NTM: variants seen among roughly 807,000 people sequenced by gnomAD.
NTM encodes the protein neurotrimin.
Under a neutral mutation model 42.1 loss-of-function variants are expected in NTM, and 13 were observed. The observed-to-expected ratio is 0.31, with a 90% CI of 0.20 to 0.49. The LOEUF is 0.49. Ranked by LOEUF, NTM falls within the 20% of genes least tolerant of loss-of-function variation. NTM has a pLI of 0.99. For missense variants in NTM, 373 were observed against 452.8 expected (o/e 0.82, Z 1.60); for synonymous variants, 187 against 179.2 (o/e 1.04, Z -0.35).
intron 1 of NTM, among the ~76,000 whole-genome samples, chr11:131,597,135 C>G (rs2059880799): frequency 6.6e-6 from 1 of 152,132 alleles, no homozygotes; most frequent in South Asian, 2.1e-4. Context: ...GCAACGCCCT[C>G]ACACACACAC....
intron 1 of NTM, among the ~76,000 whole-genome samples, chr11:131,899,156 T>A (rs1324724041): frequency 7.1e-6 from 1 of 140,734 alleles, no homozygotes; most frequent in Non-Finnish European, 1.5e-5. Context: ...GTGTCCAAGG[T>A]AAATTCAGAG....
intron 1 of NTM, among the ~76,000 whole-genome samples, chr11:131,683,745 A>C (rs1414441643): frequency 2.0e-5 from 3 of 152,192 alleles, no homozygotes; most frequent in Admixed American, 6.5e-5. Context: ...GGGGTGATGC[A>C]GGGCGATGCC....
chr11:131,955,965 G>A (rs954923524), intron 2 of NTM, among the ~76,000 whole-genome samples: 5 of 152,198 alleles, frequency 3.3e-5, no homozygotes, highest in African/African-American at 4.8e-5. Flanking sequence ...ATTATTTACA[G>A]AACTTGTGAG....
chr11:132,143,597 AT>A (rs2069656413), intron 2 of NTM, among the ~76,000 whole-genome samples: 1 of 152,208 alleles, frequency 6.6e-6, no homozygotes, highest in African/African-American at 2.4e-5. Context: ...AGATGATAAA[AT>A]AGTACACATA....
At chr11:131,410,963 G>T (rs571120480) in intron 1 of NTM, among the ~76,000 whole-genome samples, 1 of 152,254 alleles carries the variant, frequency 6.6e-6, no homozygotes, top group South Asian at 2.1e-4. Context: ...TACAGCGTTG[G>T]TTAAGGCTTT....
At chr11:131,909,894 A>G (rs956316154) in intron 1 of NTM, 1 of 152,184 alleles carries the variant, frequency 6.6e-6, no homozygotes, top group Non-Finnish European at 1.5e-5. Context: ...AGTCTGCTGT[A>G]TAAATACAGC....
At chr11:131,746,456 G>A (rs1247080808) in intron 1 of NTM, among the ~76,000 whole-genome samples, 1 of 152,114 alleles carries the variant, frequency 6.6e-6, no homozygotes, top group Non-Finnish European at 1.5e-5. Context: ...AGCAGGAAGC[G>A]GCAAAGAGAA....
chr11:131,869,898 G>C (rs1011383166), intron 1 of NTM, among the ~76,000 whole-genome samples: 2 of 152,124 alleles, frequency 1.3e-5, no homozygotes, highest in Non-Finnish European at 2.9e-5. Flanking sequence ...CTTCACTGTT[G>C]GTACAGCTTT....
chr11:131,429,411 A>G (rs1948471332), intron 1 of NTM, among the ~76,000 whole-genome samples: 1 of 152,194 alleles, frequency 6.6e-6, no homozygotes, highest in Non-Finnish European at 1.5e-5. Context: ...GGTTGTTGCG[A>G]GAACTCAGTG....
intron 1 of NTM, among the ~76,000 whole-genome samples, chr11:131,886,287 A>C (rs2050380176): frequency 6.6e-6 from 1 of 152,138 alleles, no homozygotes; most frequent in Admixed American, 6.5e-5. Context: ...CCAAGCCCCC[A>C]CACTCCCACT....
chr11:131,430,942 T>C (rs762092693), intron 1 of NTM, among the ~76,000 whole-genome samples: 2 of 152,212 alleles, frequency 1.3e-5, no homozygotes, highest in Non-Finnish European at 2.9e-5. Flanking sequence ...AGAGTTAGTA[T>C]CTTTCCCACC....
intron 1 of NTM, among the ~76,000 whole-genome samples, chr11:131,747,529 CT>C (rs1200918372): frequency 1.1e-4 from 17 of 152,164 alleles, no homozygotes; most frequent in Admixed American, 1.0e-3. Context: ...CGTTGTTCTC[CT>C]TCCATACCCC....
intron 1 of NTM, among the ~76,000 whole-genome samples, chr11:131,865,329 GTGCT>G (rs2047023516): frequency 6.6e-6 from 1 of 152,182 alleles, no homozygotes; most frequent in African/African-American, 2.4e-5. Context: ...AGGTAACAAT[GTGCT>G]TGTGAGCATA....
intron 1 of NTM, among the ~76,000 whole-genome samples, chr11:131,821,835 G>C (rs574378696): frequency 6.6e-6 from 1 of 152,168 alleles, no homozygotes; most frequent in African/African-American, 2.4e-5. Context: ...TGATAGTTTA[G>C]AAAGGAAGCT....
chr11:131,730,846 G>T (rs1001298318), intron 1 of NTM, among the ~76,000 whole-genome samples: 3 of 152,086 alleles, frequency 2.0e-5, no homozygotes, highest in African/African-American at 7.2e-5. Context: ...TCAACAACCT[G>T]CCCAGGGTCA....
At chr11:132,061,191 T>C (rs1822696806) in intron 2 of NTM, among the ~76,000 whole-genome samples, 1 of 152,222 alleles carries the variant, frequency 6.6e-6, no homozygotes, top group Admixed American at 6.5e-5. Flanking sequence ...TAAAGAAATG[T>C]AAAAGTAAAG....
At chr11:132,242,575 C>T (rs1034567949) in intron 4 of NTM, among the ~76,000 whole-genome samples, 40 of 152,348 alleles carry the variant, frequency 2.6e-4, no homozygotes, top group African/African-American at 9.1e-4. Context: ...CCTCAGGTGC[C>T]CTTAGGCCTG....
At chr11:131,497,412 C>T (rs1441612903) in intron 1 of NTM, among the ~76,000 whole-genome samples, 2 of 152,096 alleles carry the variant, frequency 1.3e-5, no homozygotes, top group African/African-American at 4.8e-5. Flanking sequence ...TGGTCTTGAA[C>T]TCCTGACCTC....
At chr11:131,808,005 C>CTTGAATT (rs2092584133) in intron 1 of NTM, among the ~76,000 whole-genome samples, 1 of 152,062 alleles carries the variant, frequency 6.6e-6, no homozygotes, top group South Asian at 2.1e-4. Context: ...GACGTCCTTC[C>CTTGAATT]TTGAATTTGA....
Sources: gnomAD v4.1 joint callset for allele counts (sites outside exome capture counted in the v4.1 genomes callset) on GRCh38, gnomAD v4.1.1 for gene constraint, MANE v1.5 for transcripts, NCBI Gene and HGNC (gene_info 2026-07-23, HGNC 2026-07-21) for gene names.